ZNF618: variants seen among roughly 807,000 people sequenced by gnomAD.
ZNF618 encodes the protein zinc finger protein 618, also known as neural precursor cell expressed, developmentally down-regulated 10.
A neutral mutation model predicts 103.0 loss-of-function variants in ZNF618; 34 were observed. The ratio of observed to expected loss-of-function variants is 0.33; its 90% CI spans 0.25 to 0.44. The LOEUF (loss-of-function observed/expected upper bound fraction) is 0.44. Among genes scored for constraint, ZNF618 ranks in the 20% least tolerant of loss-of-function variants. ZNF618 has a pLI of 1.00. For synonymous variants in ZNF618, 551 were observed against 542.2 expected, an observed-to-expected ratio of 1.02 and a Z score of -0.23; for missense variants, 1,059 against 1,295.4, an observed-to-expected ratio of 0.82 and a Z score of 2.80.
rs1460188980 is a variant in ZNF618 at position 113,876,426 on chromosome 9, G to A, written c.33+13G>A. The A allele has an allele frequency of 8.3e-7, 1 of 1,202,994 alleles. No individual in the cohort carries two copies. The highest frequency in any genetic ancestry group is 1.0e-6 in the Non-Finnish European group (1 of 969,336). 74.5% of individuals were successfully genotyped at this position (1,202,994 alleles called of 1,614,324 possible). ...GGCGGCTCCGCAGGTACGACGGGGG[G>A]CCGGGGGCATGCACCGCGCGGGGGA... On this transcript the variant is annotated intron_variant, in intron 1 of 14. Transcript: ENST00000374126.
intron 1 of ZNF618, among the ~76,000 whole-genome samples, chr9:113,960,395 G>A (rs962845078): frequency 6.6e-6 from 1 of 152,206 alleles, no homozygotes; most frequent in Admixed American, 6.5e-5. Context: ...ATTCCTGACT[G>A]TTGACAGTGA....
intron 10 of ZNF618, among the ~76,000 whole-genome samples, chr9:114,025,102 A>G (rs1017670580): frequency 6.6e-6 from 1 of 152,182 alleles, no homozygotes; most frequent in Admixed American, 6.5e-5. Context: ...GCAGGAAGCT[A>G]GTCTTGTATC....
intron 4 of ZNF618, 85 bp from the exon 5 acceptor site, chr9:114,001,911 C>A: frequency 8.5e-7 from 1 of 1,181,478 alleles, no homozygotes; most frequent in Non-Finnish European, 1.3e-6. Flanking sequence ...GAGAGTTAGC[C>A]ACACTTGTAG....
chr9:113,914,496 C>G (rs2131515563), intron 1 of ZNF618, among the ~76,000 whole-genome samples: 1 of 152,302 alleles, frequency 6.6e-6, no homozygotes, highest in Non-Finnish European at 1.5e-5. Context: ...GCAACAAAAT[C>G]CCAATCATTC....
In ZNF618 at chr9:114,056,258, T is replaced by G. The variant is rs1846483734; in HGVS notation, c.*6091T>G. 6.6e-6 allele frequency: 1 copy of G among 152,192 alleles called. No homozygotes were observed. The highest frequency in any genetic ancestry group is 2.1e-4 in the South Asian group (1 of 4,828). 9.4% of individuals were successfully genotyped at this position (152,192 alleles called of 1,614,324 possible). On this transcript the variant is annotated 3_prime_UTR_variant, in exon 15 of 15. Transcript: ENST00000374126. ...ATGATGTTCAAAACATTTACTGATGTCAAATGGAGGAAAGGAACAGAAAAA... is the reference window on the plus strand; with the variant it reads ...ATGATGTTCAAAACATTTACTGATGGCAAATGGAGGAAAGGAACAGAAAAA...
chr9:113,937,103 A>G (rs917622425), intron 1 of ZNF618, among the ~76,000 whole-genome samples: 3 of 152,164 alleles, frequency 2.0e-5, no homozygotes, highest in Admixed American at 6.5e-5. Context: ...ATCCCAAGAG[A>G]TCTTAGAATT....
Position 114,036,352 on chromosome 9 carries a change from G to C in ZNF618, c.1221G>C (p.Leu407=). 1 of 1,583,512 alleles carries C rather than the reference G, an allele frequency of 6.3e-7. No individual in the cohort carries two copies. The highest frequency in any genetic ancestry group is 8.6e-7 in the Non-Finnish European group (1 of 1,164,222). The change falls in exon 13 of 15, where the codon CTG becomes CTC. Residue 407 remains leucine (L), a synonymous_variant. Transcript: ENST00000374126. ...CGIQFQFYNN[L]LEHMQSHAAD... ...TCCAGTTCCAGTTCTACAACAACCTGTTGGAGCACATGCAGTCCCATGCAG... is the reference window on the plus strand; with the variant it reads ...TCCAGTTCCAGTTCTACAACAACCTCTTGGAGCACATGCAGTCCCATGCAG...
intron 3 of ZNF618, among the ~76,000 whole-genome samples, chr9:113,994,401 C>T (rs1030780264): frequency 5.9e-5 from 9 of 152,204 alleles, no homozygotes; most frequent in Admixed American, 1.3e-4. Context: ...TGCAGCCACT[C>T]GGAAAGGAGG....
At chr9:113,908,177 G>GGCTTGGGAAAGTTCAGTGACTGA (rs1831165678) in intron 1 of ZNF618, among the ~76,000 whole-genome samples, 1 of 152,198 alleles carries the variant, frequency 6.6e-6, no homozygotes. Context: ...AGTGACTGAT[G>GGCTTGGGAAAGTTCAGTGACTGA]TAACAGCACA....
chr9:113,968,763 T>A (rs923200597), intron 1 of ZNF618, among the ~76,000 whole-genome samples: 13 of 152,212 alleles, frequency 8.5e-5, no homozygotes, highest in African/African-American at 4.8e-5. Context: ...CTACAGCTAC[T>A]GTTTTATTGG....
chr9:113,946,901 C>T (rs964776079), intron 1 of ZNF618, among the ~76,000 whole-genome samples: 3 of 152,188 alleles, frequency 2.0e-5, no homozygotes, highest in African/African-American at 7.2e-5. Flanking sequence ...TGCTTGTTTC[C>T]AGTTGGGCTC....
intron 1 of ZNF618, among the ~76,000 whole-genome samples, chr9:113,955,742 A>G (rs1391955242): frequency 6.6e-6 from 1 of 152,012 alleles, no homozygotes; most frequent in Non-Finnish European, 1.5e-5. Flanking sequence ...TCACAGCAAA[A>G]GTAAGCCCTG....
chr9:113,888,600 C>T (rs866835168), intron 1 of ZNF618, among the ~76,000 whole-genome samples: 4 of 152,248 alleles, frequency 2.6e-5, no homozygotes, highest in African/African-American at 9.6e-5. Context: ...CCTGCAGCAT[C>T]GCTCACTGCC....
chr9:114,029,953 C>T (rs1843859473), intron 11 of ZNF618, among the ~76,000 whole-genome samples: 1 of 152,232 alleles, frequency 6.6e-6, no homozygotes, highest in Non-Finnish European at 1.5e-5. Flanking sequence ...ATGGAACCAG[C>T]CCTGGGCCAC....
intron 13 of ZNF618, among the ~76,000 whole-genome samples, chr9:114,037,890 G>A (rs1172586806): frequency 6.6e-6 from 1 of 152,178 alleles, no homozygotes; most frequent in Non-Finnish European, 1.5e-5. Context: ...CAAGGCACTT[G>A]CCTCGGAGAC....
chr9:113,937,894 AT>A (rs1834167723), intron 1 of ZNF618, among the ~76,000 whole-genome samples: 1 of 151,560 alleles, frequency 6.6e-6, no homozygotes, highest in Non-Finnish European at 1.5e-5. Flanking sequence ...TGTTGTTTTT[AT>A]TACTTTGCCT....
intron 2 of ZNF618, among the ~76,000 whole-genome samples, chr9:113,985,942 A>G (rs901943641): frequency 4.6e-5 from 7 of 152,192 alleles, no homozygotes; most frequent in African/African-American, 1.7e-4. Flanking sequence ...TCTTAAGTAA[A>G]TTAAGGAAAT....
At chr9:114,009,218 A>G (rs1253038639) in intron 9 of ZNF618, among the ~76,000 whole-genome samples, 1 of 152,192 alleles carries the variant, frequency 6.6e-6, no homozygotes, top group East Asian at 1.9e-4. Context: ...GATAGTTCCA[A>G]CATAGCTTGC....
At chr9:113,935,018 A>G (rs75388417) in intron 1 of ZNF618, among the ~76,000 whole-genome samples, 428 of 152,296 alleles carry the variant, frequency 2.8e-3, no homozygotes, top group African/African-American at 9.8e-3. Context: ...CCCAGGTGCA[A>G]GCCCAAGGGG....
Sources: allele counts gnomAD v4.1 joint callset (sites outside exome capture counted in the v4.1 genomes callset), GRCh38; gene constraint gnomAD v4.1.1; transcripts MANE v1.5; gene names NCBI Gene and HGNC (gene_info 2026-07-23, HGNC 2026-07-21).